Variants in CUX1 observed in about 807,000 individuals in gnomAD.
CUX1 encodes the protein protein CASP.
In CUX1, 31 loss-of-function variants were observed where a neutral mutation model predicts 158.8. The observed-to-expected ratio is 0.20, with a 90% CI of 0.15 to 0.26. The LOEUF (loss-of-function observed/expected upper bound fraction) is 0.26, where lower values mean the gene tolerates loss of function less well. CUX1 is among the 10% of genes least tolerant of loss of function. The probability of loss-of-function intolerance (pLI) is 1.00; values close to 1 mark genes in which losing one functional copy is unlikely to be tolerated. For missense variants in CUX1, 1,589 were observed against 2,014.6 expected (o/e 0.79, Z 4.04); for synonymous variants, 879 against 862.1 (o/e 1.02, Z -0.34).
At chr7:101,873,969 A>G (rs1384255939) in intron 1 of CUX1, among the ~76,000 whole-genome samples, 2 of 152,254 alleles carry the variant, frequency 1.3e-5, no homozygotes, top group East Asian at 1.9e-4. Context: ...AAATGAACAC[A>G]GGAAGACTGC....
At chr7:102,239,285 G>T in intron 22 of CUX1, 35 bp from the exon 23 acceptor site, 1 of 1,579,894 alleles carries the variant, frequency 6.3e-7, no homozygotes, top group East Asian at 2.3e-5. Flanking sequence ...GTCCCAGCTG[G>T]GCCTGACCTT....
chr7:102,223,302 A>G (rs1426923346), intron 20 of CUX1, among the ~76,000 whole-genome samples: 2 of 152,274 alleles, frequency 1.3e-5, no homozygotes, highest in East Asian at 3.9e-4. Context: ...AAAAAGATAA[A>G]TGCATCATAC....
At chr7:102,085,358 T>C (rs367026) in intron 4 of CUX1, among the ~76,000 whole-genome samples, 71,194 of 150,172 alleles carry the variant, frequency 0.47, 19,523 homozygotes, top group African/African-American at 0.76. Flanking sequence ...TGTGTTCCCA[T>C]GCTATCTCAT....
intron 2 of CUX1, among the ~76,000 whole-genome samples, chr7:101,972,709 C>T (rs994820000): frequency 1.3e-5 from 2 of 152,176 alleles, no homozygotes; most frequent in East Asian, 1.9e-4. Flanking sequence ...GGAAGGACTC[C>T]GGCCCCAATG....
chr7:102,019,410 A>G (rs941857866), intron 2 of CUX1, among the ~76,000 whole-genome samples: 9 of 152,082 alleles, frequency 5.9e-5, no homozygotes, highest in African/African-American at 2.2e-4. Context: ...TTTTTAGTAG[A>G]GTTGGGGTTT....
Position 102,202,129 on chromosome 7 carries a change from C to T in CUX1, c.2832C>T (p.Asp944=). The change falls in exon 18 of 24, where the codon GAC becomes GAT. Residue 944 remains aspartate (D), a synonymous_variant. Transcript: ENST00000292535. ...QYEVYMYQEV[D]TIELTRQVKE... is the part of the protein sequence containing the mutation. The stretch of plus-strand genomic sequence containing the variant: ...AGGTCTACATGTACCAGGAGGTGGA[C>T]ACCATCGAGCTCACCCGGCAGGTTA... The T allele has an allele frequency of 6.2e-7, 1 of 1,614,062 alleles. No homozygotes were observed. The highest frequency in any genetic ancestry group is 8.5e-7 in the Non-Finnish European group (1 of 1,179,964).
At chr7:102,180,903 TTTATTTTATTTTATTGTATTTTATTTTA>T (rs1792993114) in intron 11 of CUX1, among the ~76,000 whole-genome samples, 1 of 83,652 alleles carries the variant, frequency 1.2e-5, no homozygotes, top group African/African-American at 9.4e-5. Flanking sequence ...AAATTTTTAT[TTTATTTTATTTTATTGTATTTTATTTTA>T]TTTTATTTTA....
intron 1 of CUX1, among the ~76,000 whole-genome samples, chr7:101,835,608 G>A (rs1197873591): frequency 5.3e-5 from 8 of 152,096 alleles, no homozygotes; most frequent in African/African-American, 1.9e-4. Context: ...ATATTTATGG[G>A]GTACATGAGA....
At chr7:101,965,463 G>C (rs567161445) in intron 2 of CUX1, among the ~76,000 whole-genome samples, 1 of 152,142 alleles carries the variant, frequency 6.6e-6, no homozygotes, top group Non-Finnish European at 1.5e-5. Context: ...GGGAAGGGCA[G>C]GGTCAGCAGG....
chr7:102,027,988 T>C, intron 2 of CUX1, 110 bp from the exon 3 acceptor site: 1 of 1,079,138 alleles, frequency 9.3e-7, no homozygotes, highest in Admixed American at 2.2e-5. Flanking sequence ...TTGCTTTAGA[T>C]AGTGATAATT....
At chr7:101,989,001 A>AATAAT (rs1563097893) in intron 2 of CUX1, among the ~76,000 whole-genome samples, 45 of 146,736 alleles carry the variant, frequency 3.1e-4, no homozygotes, top group East Asian at 1.0e-3. Flanking sequence ...CTCAAAAAAA[A>AATAAT]AATAATAATA....
At chr7:101,974,649 A>G (rs1378809363) in intron 2 of CUX1, among the ~76,000 whole-genome samples, 1 of 152,192 alleles carries the variant, frequency 6.6e-6, no homozygotes, top group African/African-American at 2.4e-5. Context: ...TCACTCCAAA[A>G]GTGCCTTTTG....
intron 12 of CUX1, among the ~76,000 whole-genome samples, chr7:102,190,555 C>T (rs1178103947): frequency 6.6e-6 from 1 of 152,206 alleles, no homozygotes; most frequent in Non-Finnish European, 1.5e-5. Context: ...TACGTTCATA[C>T]AGCTCCCCTG....
intron 3 of CUX1, among the ~76,000 whole-genome samples, chr7:102,036,360 A>G (rs1821422250): frequency 6.6e-6 from 1 of 152,200 alleles, no homozygotes; most frequent in Admixed American, 6.6e-5. Flanking sequence ...GAACCACTCC[A>G]AGTTAGAGGA....
intron 3 of CUX1, among the ~76,000 whole-genome samples, chr7:102,056,152 C>G (rs1824096386): frequency 6.6e-6 from 1 of 152,162 alleles, no homozygotes; most frequent in Non-Finnish European, 1.5e-5. Flanking sequence ...TACAAAAGTG[C>G]AAAGTAAAGC....
intron 2 of CUX1, among the ~76,000 whole-genome samples, chr7:102,027,040 G>C (rs1820121697): frequency 6.6e-6 from 1 of 152,058 alleles, no homozygotes; most frequent in South Asian, 2.1e-4. Flanking sequence ...TTGTGACTCT[G>C]TCAGATGTGG....
intron 4 of CUX1, among the ~76,000 whole-genome samples, chr7:102,076,420 A>G (rs1422622174): frequency 6.6e-6 from 1 of 151,994 alleles, no homozygotes; most frequent in East Asian, 1.9e-4. Context: ...ACACCAAATA[A>G]GCATTTAGCA....
chr7:102,118,763 T>G (rs1831706850), intron 8 of CUX1, among the ~76,000 whole-genome samples: 1 of 151,354 alleles, frequency 6.6e-6, no homozygotes. Context: ...TGTTGTTGTT[T>G]TGTTTTGAGA....
intron 6 of CUX1, among the ~76,000 whole-genome samples, chr7:102,107,476 G>A (rs1373893432): frequency 6.6e-6 from 1 of 151,862 alleles, no homozygotes; most frequent in Non-Finnish European, 1.5e-5. Flanking sequence ...GGAAGCAAAG[G>A]TTTGCAGTAA....
Sources: gnomAD v4.1 joint callset for allele counts (sites outside exome capture counted in the v4.1 genomes callset) on GRCh38, gnomAD v4.1.1 for gene constraint, MANE v1.5 for transcripts, NCBI Gene and HGNC (gene_info 2026-07-23, HGNC 2026-07-21) for gene names.